COL2A1: variants seen among roughly 807,000 people sequenced by gnomAD.
COL2A1 encodes the protein collagen alpha-1(II) chain.
Under a neutral mutation model 204.5 loss-of-function variants are expected in COL2A1, and 28 were observed. That is an observed-to-expected ratio of 0.14 (90% CI 0.10 to 0.19). COL2A1 has a LOEUF of 0.19. Among genes scored for constraint, COL2A1 ranks in the 10% least tolerant of loss-of-function variants. The pLI is 1.00. For missense variants in COL2A1, 1,388 were observed against 2,027.5 expected (o/e 0.68, Z 6.06); for synonymous variants, 708 against 718.7 (o/e 0.99, Z 0.24).
chr12:47,977,620 C>T lies in COL2A1; in HGVS notation c.3145G>A (p.Asp1049Asn), dbSNP rs752571750. 4.3e-6 allele frequency: 7 copies of T among 1,614,014 alleles called. No homozygotes were observed. The highest frequency in any genetic ancestry group is 5.9e-6 in the Non-Finnish European group (7 of 1,179,990). Residue 1049 changes from aspartate to asparagine, a missense_variant, in exon 45 of 54, where the codon GAT becomes AAT. By Grantham distance (23) the Asp-to-Asn change is conservative (BLOSUM62 1). Around this residue, in one of 3 missense-constraint regions of COL2A1, gnomAD observed 884 missense variants for 1,415.8 expected, o/e 0.62. Coordinates refer to ENST00000380518, the MANE Select transcript of COL2A1 (RefSeq NM_001844.5). ...SPGADGPPGR[D>N]GAAGVKGDRG... ...CTCACCTTGACTCCAGCAGCGCCAT[C>T]TCTGCCAGGGGGGCCATCAGCACCG...
chr12:47,984,066 G>A (rs1939246538), intron 29 of COL2A1, 21 bp downstream of exon 29: 5 of 1,608,372 alleles, frequency 3.1e-6, no homozygotes, highest in Non-Finnish European at 4.2e-6. Context: ...GGCCACCTGG[G>A]GAGGCTGGGC....
At position 47,982,095 on chromosome 12, in the gene COL2A1, G is replaced by A. The variant is rs371211621; in HGVS notation, c.2355+12C>T. ...CTAATGCCCAGCAGTCCAGCAGCCCGCATTCACTTACTCGTCCACCATCCT... is the reference window on the plus strand; with the variant it reads ...CTAATGCCCAGCAGTCCAGCAGCCCACATTCACTTACTCGTCCACCATCCT... On this transcript the variant is annotated intron_variant, in intron 35 of 53. Transcript: ENST00000380518. 43 of 1,612,466 alleles carry A rather than the reference G, an allele frequency of 2.7e-5. No individual in the cohort carries two copies. Among genetic ancestry groups the A allele is most frequent in the African/African-American group, 9.4e-5 (7 of 74,864 alleles).
Position 47,978,500 on chromosome 12 carries a change from C to G in COL2A1, c.2895+97G>C. 2 of 1,574,928 alleles carry G rather than the reference C, an allele frequency of 1.3e-6. No homozygotes were observed. Among genetic ancestry groups the G allele is most frequent in the Non-Finnish European group, 1.7e-6 (2 of 1,154,806 alleles). ...GCAGCCCCGCTCCCTGGCATCCCCA[C>G]GGCCCCTGCTCCCTCCTACCCCATG... On this transcript the variant is annotated intron_variant, in intron 42 of 53. Coordinates refer to ENST00000380518, the MANE Select transcript of COL2A1 (RefSeq NM_001844.5). This position sits in a 1 kb window ranked among gnomAD's most constrained non-coding sequence, Gnocchi z 5.5.
Position 47,995,739 on chromosome 12 carries a change from G to C in COL2A1, c.679C>G (p.Pro227Ala). 6.2e-7 allele frequency: 1 copy of C among 1,614,014 alleles called. No individual in the cohort carries two copies. The highest frequency in any genetic ancestry group is 8.5e-7 in the Non-Finnish European group (1 of 1,179,984). ...APGPQGFQGNPGEPGEPGVSG... is the reference protein window; with the variant it reads ...APGPQGFQGNAGEPGEPGVSG... ...ACACCAGGTTCACCAGGTTCACCAG[G>C]ATTGCCTTGAAATCCTTGAGGCCCC... The change falls in exon 10 of 54, where the codon CCT (proline) becomes GCT (alanine). Residue 227 changes from proline to alanine, a missense_variant. Physicochemically the swap from Pro to Ala is conservative, Grantham distance 27. Around this residue, in one of 3 missense-constraint regions of COL2A1, gnomAD observed 884 missense variants for 1,415.8 expected, o/e 0.62. Coordinates refer to ENST00000380518, the MANE Select transcript of COL2A1 (RefSeq NM_001844.5).
At position 47,980,112 on chromosome 12, in the gene COL2A1, G is replaced by T; in HGVS notation, c.2626-50C>A. 6.8e-7 allele frequency: 1 copy of T among 1,476,642 alleles called. No individual in the cohort carries two copies. Among genetic ancestry groups the T allele is most frequent in the Non-Finnish European group, 9.3e-7 (1 of 1,079,210 alleles). 91.5% of individuals were successfully genotyped at this position (1,476,642 alleles called of 1,614,324 possible). ...GAGGCCCAGTGGCCCAAGGAAGACG[G>T]TGGGCTTCTGTCTGAGCCCCAACAA... On this transcript the variant is annotated intron_variant, in intron 39 of 53. Coordinates refer to ENST00000380518, the MANE Select transcript of COL2A1 (RefSeq NM_001844.5). This position sits in a 1 kb window ranked among gnomAD's most constrained non-coding sequence, Gnocchi z 4.5.
chr12:47,987,454 G>C lies in COL2A1; in HGVS notation c.1222-141C>G. ...CCACTATGTGTTTCAAGGGGAAGAT[G>C]GGATAGAAGGGAATACATCTAGAGG... On this transcript the variant is annotated intron_variant, in intron 19 of 53. Coordinates refer to ENST00000380518, the MANE Select transcript of COL2A1 (RefSeq NM_001844.5). The surrounding 1 kb of genome is among the most constrained non-coding windows in gnomAD (Gnocchi z 4.1). 9.4e-7 allele frequency: 1 copy of C among 1,066,990 alleles called. No individual in the cohort carries two copies. The highest frequency in any genetic ancestry group is 1.4e-6 in the Non-Finnish European group (1 of 705,742). 66.1% of individuals were successfully genotyped at this position (1,066,990 alleles called of 1,614,324 possible). A position where few individuals can be genotyped will look rare whatever the true frequency, so the allele number is the denominator to read the frequency against.
At chr12:47,993,385 AG>A (rs1939796919) in intron 15 of COL2A1, 72 bp downstream of exon 15, 1 of 1,148,436 alleles carries the variant, frequency 8.7e-7, no homozygotes, top group Non-Finnish European at 1.3e-6. Flanking sequence ...CTTTGCACAA[AG>A]GGAGCTCTTT....
chr12:47,994,385 C>T, intron 12 of COL2A1, 39 bp downstream of exon 12: 1 of 1,612,696 alleles, frequency 6.2e-7, no homozygotes. Context: ...GAGGGAGACG[C>T]TAGGAAAGAT....
chr12:47,995,814 A>T (rs1157640234), intron 9 of COL2A1, 51 bp from the exon 10 acceptor site: 2 of 1,610,212 alleles, frequency 1.2e-6, no homozygotes, highest in South Asian at 2.2e-5. Context: ...CTGCTAAAAC[A>T]TCATAGTGCT....
Position 47,985,914 on chromosome 12 carries a change from T to G in COL2A1, c.1579A>C (p.Lys527Gln). 1 of 1,553,106 alleles carries G rather than the reference T, an allele frequency of 6.4e-7. No individual in the cohort carries two copies. The highest frequency in any genetic ancestry group is 8.7e-7 in the Non-Finnish European group (1 of 1,147,694). The change falls in exon 24 of 54, where the codon AAG (lysine) becomes CAG (glutamine). Residue 527 changes from lysine to glutamine, a missense_variant and splice_region_variant. Coordinates refer to ENST00000380518, the MANE Select transcript of COL2A1 (RefSeq NM_001844.5). ...FPGQDGLAGPKGAPGERGPSG... is the reference protein window; with the variant it reads ...FPGQDGLAGPQGAPGERGPSG... ...CCAGCCCCTCTTCTCCCACTCACCTTGGGACCTGCCAGACCATCTTGACCT... is the reference window on the plus strand; with the variant it reads ...CCAGCCCCTCTTCTCCCACTCACCTGGGGACCTGCCAGACCATCTTGACCT...
Position 47,978,413 on chromosome 12 carries a change from G to A in COL2A1, c.2896-15C>T, listed in dbSNP as rs1312851852. On this transcript the variant is annotated splice_polypyrimidine_tract_variant and intron_variant, in intron 42 of 53. Transcript: ENST00000380518. The surrounding 1 kb of genome is among the most constrained non-coding windows in gnomAD (Gnocchi z 5.5). ...CCTTCGGCACCCTGAGAGAGGAGAG[G>A]CAGGAGATGAGAACTGACAGTGGCC... 1.2e-6 allele frequency: 2 copies of A among 1,612,112 alleles called. No homozygotes were observed. The highest frequency in any genetic ancestry group is 1.3e-5 in the African/African-American group (1 of 74,992).
chr12:47,991,075 G>T (rs1190332675), intron 16 of COL2A1, among the ~76,000 whole-genome samples: 1 of 152,220 alleles, frequency 6.6e-6, no homozygotes, highest in African/African-American at 2.4e-5. Flanking sequence ...GAAAGCAAGA[G>T]AAAACTTAGA....
chr12:47,998,614 G>T (rs1814231), intron 2 of COL2A1, 183 bp from the exon 3 acceptor site: 3 of 639,888 alleles, frequency 4.7e-6, no homozygotes, highest in South Asian at 2.0e-5. Flanking sequence ...TGGCCCTGGG[G>T]TTGCTGAGGT....
rs773011678 is a variant in COL2A1 at position 47,982,962 on chromosome 12, C to T, written c.2095-16G>A. 15 of 1,613,162 alleles carry T rather than the reference C, an allele frequency of 9.3e-6. No individual in the cohort carries two copies. The highest frequency in any genetic ancestry group is 1.2e-5 in the Non-Finnish European group (14 of 1,179,486). The stretch of plus-strand genomic sequence containing the variant: ...CTCGTTCACCCTGCGGCAGAGACAC[C>T]AAGAAGTGATCAACCAACAGCAGTG... On this transcript the variant is annotated splice_polypyrimidine_tract_variant and intron_variant, in intron 32 of 53. Transcript: ENST00000380518.
chr12:47,974,070 C>G lies in COL2A1; in HGVS notation c.4317+19G>C. 4.3e-6 allele frequency: 7 copies of G among 1,614,158 alleles called. No individual in the cohort carries two copies. The highest frequency in any genetic ancestry group is 5.9e-6 in the Non-Finnish European group (7 of 1,180,036). On this transcript the variant is annotated intron_variant, in intron 53 of 53. Coordinates refer to ENST00000380518, the MANE Select transcript of COL2A1 (RefSeq NM_001844.5). ...CGGTTTGGGCACAGGCAGCTCTTCTCTCTGGCAGCCCCACTCACCGTGCAG... is the reference window on the plus strand; with the variant it reads ...CGGTTTGGGCACAGGCAGCTCTTCTGTCTGGCAGCCCCACTCACCGTGCAG...
chr12:47,995,134 C>A, intron 11 of COL2A1, 121 bp downstream of exon 11: 1 of 843,688 alleles, frequency 1.2e-6, no homozygotes, highest in East Asian at 2.4e-5. Flanking sequence ...TTGGGACTGC[C>A]CAGTCTTGCT....
At chr12:47,983,660 G>T in intron 30 of COL2A1, 23 bp downstream of exon 30, 1 of 1,590,436 alleles carries the variant, frequency 6.3e-7, no homozygotes, top group Non-Finnish European at 8.6e-7. Context: ...GGACTGCACA[G>T]AGAGCCTGGT....
At chr12:47,977,979 C>T (rs372901900) in intron 44 of COL2A1, 31 bp downstream of exon 44, 7 of 1,588,128 alleles carry the variant, frequency 4.4e-6, no homozygotes, top group Non-Finnish European at 6.0e-6. Context: ...TCTCCCCAAT[C>T]AGGGCCACCC....
intron 8 of COL2A1, among the ~76,000 whole-genome samples, chr12:47,996,161 A>G (rs1939950328): frequency 2.0e-5 from 3 of 152,242 alleles, no homozygotes; most frequent in Admixed American, 2.0e-4. Flanking sequence ...CATGTTTACT[A>G]AAGGCTGAGT....
Sources: allele counts gnomAD v4.1 joint callset (sites outside exome capture counted in the v4.1 genomes callset), GRCh38; gene constraint gnomAD v4.1.1; regional missense constraint gnomAD v4.1.1; non-coding constraint Gnocchi (gnomAD v3.1); transcripts MANE v1.5; gene names NCBI Gene and HGNC (gene_info 2026-07-23, HGNC 2026-07-21).